Variants in SPIDR observed in about 807,000 individuals in gnomAD.
The protein encoded by SPIDR is scaffold protein involved in DNA repair, also known as DNA repair-scaffolding protein.
SPIDR carries 93 observed loss-of-function variants against 104.6 expected under a neutral mutation model. The observed-to-expected ratio is 0.89, with a 90% CI of 0.75 to 1.06. The LOEUF (loss-of-function observed/expected upper bound fraction) is 1.06, where lower values mean the gene tolerates loss of function less well. Ranked by LOEUF, SPIDR falls within the 50% of genes least tolerant of loss-of-function variation. The probability of loss-of-function intolerance (pLI) is 0.00; values close to 1 mark genes in which losing one functional copy is unlikely to be tolerated. For synonymous variants in SPIDR, 431 were observed against 416.9 expected (o/e 1.03, Z -0.41); for missense variants, 1,154 against 1,111.2 (o/e 1.04, Z -0.55).
chr8:47,530,349 C>T (rs1208879803), intron 8 of SPIDR, among the ~76,000 whole-genome samples: 2 of 152,190 alleles, frequency 1.3e-5, no homozygotes, highest in East Asian at 3.9e-4. Context: ...GAGGCTGAGG[C>T]ACAAGAATCA....
At chr8:47,297,196 C>G (rs2041010591) in intron 5 of SPIDR, among the ~76,000 whole-genome samples, 1 of 152,110 alleles carries the variant, frequency 6.6e-6, no homozygotes, top group African/African-American at 2.4e-5. Context: ...ATATGGATGC[C>G]TTTATTTCTT....
intron 6 of SPIDR, among the ~76,000 whole-genome samples, chr8:47,398,641 T>C (rs1467048722): frequency 3.9e-5 from 6 of 152,178 alleles, no homozygotes; most frequent in Non-Finnish European, 7.4e-5. Context: ...TTATACATCT[T>C]AGTGGGACTA....
At chr8:47,462,978 A>G (rs1171733264) in intron 8 of SPIDR, among the ~76,000 whole-genome samples, 1 of 152,214 alleles carries the variant, frequency 6.6e-6, no homozygotes, top group South Asian at 2.1e-4. Flanking sequence ...ACAATTTTCT[A>G]CAAAAACAGT....
chr8:47,659,562 C>G, intron 10 of SPIDR: 1 of 225,902 alleles, frequency 4.4e-6, no homozygotes, highest in Non-Finnish European at 7.4e-6. Context: ...TCCCGGTCGG[C>G]CCTCCTCCCA....
chr8:47,296,189 T>A (rs1381009698), intron 5 of SPIDR, among the ~76,000 whole-genome samples: 4 of 152,190 alleles, frequency 2.6e-5, no homozygotes, highest in African/African-American at 9.6e-5. Context: ...TTATCAGATA[T>A]GTAGTTTGTA....
intron 2 of SPIDR, among the ~76,000 whole-genome samples, chr8:47,282,876 G>A (rs1353794515): frequency 6.7e-6 from 1 of 149,788 alleles, no homozygotes; most frequent in African/African-American, 2.5e-5. Context: ...TTTTTTTTGA[G>A]AGGGAGTCTG....
intron 17 of SPIDR, among the ~76,000 whole-genome samples, chr8:47,727,632 G>A (rs571059914): frequency 2.6e-5 from 4 of 152,314 alleles, no homozygotes; most frequent in Admixed American, 2.0e-4. Context: ...TGTGAAAGGT[G>A]CAGACGTTTA....
chr8:47,408,563 C>T (rs1554668936), intron 7 of SPIDR, among the ~76,000 whole-genome samples: 1 of 152,184 alleles, frequency 6.6e-6, no homozygotes, highest in African/African-American at 2.4e-5. Flanking sequence ...TTGGCAGCCA[C>T]CATTGCAGTC....
chr8:47,505,005 C>T (rs557375312), intron 8 of SPIDR, among the ~76,000 whole-genome samples: 16 of 152,058 alleles, frequency 1.1e-4, no homozygotes, highest in South Asian at 8.3e-4. Context: ...TTTGTCTCAG[C>T]GGAGTACCCG....
chr8:47,563,822 G>A (rs2057394918), intron 8 of SPIDR, among the ~76,000 whole-genome samples: 2 of 152,232 alleles, frequency 1.3e-5, no homozygotes, highest in African/African-American at 4.8e-5. Context: ...ATCTGTGTGG[G>A]ATTAATACCT....
intron 5 of SPIDR, among the ~76,000 whole-genome samples, chr8:47,296,282 A>G (rs1279333354): frequency 6.6e-6 from 1 of 152,064 alleles, no homozygotes; most frequent in Non-Finnish European, 1.5e-5. Context: ...ATGCAATCTC[A>G]TATGTTTTTG....
chr8:47,426,749 G>A (rs2066480503), intron 7 of SPIDR, among the ~76,000 whole-genome samples: 1 of 152,190 alleles, frequency 6.6e-6, no homozygotes, highest in African/African-American at 2.4e-5. Flanking sequence ...GAGAGGGAGA[G>A]GAAGGTGGTA....
At chr8:47,415,267 A>C (rs192868498) in intron 7 of SPIDR, among the ~76,000 whole-genome samples, 1 of 152,252 alleles carries the variant, frequency 6.6e-6, no homozygotes, top group East Asian at 1.9e-4. Context: ...AGTTAGAAAT[A>C]ATACTGAGAG....
At chr8:47,599,914 TG>T (rs2062054542) in intron 10 of SPIDR, among the ~76,000 whole-genome samples, 7 of 152,264 alleles carry the variant, frequency 4.6e-5, no homozygotes, top group Admixed American at 4.6e-4. Flanking sequence ...TGCACCACCA[TG>T]CCTGGCTAAT....
chr8:47,735,425 C>A lies in SPIDR; in HGVS notation c.2723C>A (p.Ala908Glu), dbSNP rs1050824998. The A allele has an allele frequency of 6.2e-7, 1 of 1,614,166 alleles. No homozygotes were observed. The highest frequency in any genetic ancestry group is 1.3e-5 in the African/African-American group (1 of 75,032). Residue 908 changes from alanine to glutamate, a missense_variant, in exon 20 of 20, where the codon GCA becomes GAA. By Grantham distance (107) the Ala-to-Glu change is moderately radical (BLOSUM62 -1). Transcript: ENST00000297423. The stretch of plus-strand genomic sequence containing the variant: ...TTGGAGGAAATCGAGCTTCTGAGTG[C>A]AGGAGGGGCCTCTGCAGAACACTAG... ...IGLEEIELLS[A>E]GGASAEH
chr8:47,414,603 A>G (rs1190907757), intron 7 of SPIDR, among the ~76,000 whole-genome samples: 1 of 152,062 alleles, frequency 6.6e-6, no homozygotes, highest in African/African-American at 2.4e-5. Flanking sequence ...CCCACAGTTG[A>G]GAGGTCTGTT....
chr8:47,664,227 G>A (rs1387418906), intron 10 of SPIDR, among the ~76,000 whole-genome samples: 1 of 152,088 alleles, frequency 6.6e-6, no homozygotes, highest in Admixed American at 6.5e-5. Flanking sequence ...CCAAGAATAC[G>A]GACCTGACTG....
At chr8:47,352,289 A>AAAAG (rs1554622941) in intron 5 of SPIDR, among the ~76,000 whole-genome samples, 6 of 151,924 alleles carry the variant, frequency 3.9e-5, no homozygotes, top group Admixed American at 1.3e-4. Context: ...AAAAAAAAAA[A>AAAAG]AAAGAAAGAA....
chr8:47,275,407 A>T (rs1278792568), intron 1 of SPIDR, among the ~76,000 whole-genome samples: 6 of 151,978 alleles, frequency 3.9e-5, no homozygotes, highest in South Asian at 2.1e-4. Flanking sequence ...TTTGTACATT[A>T]TTTTTTTTAA....
Sources: gnomAD v4.1 joint callset for allele counts (sites outside exome capture counted in the v4.1 genomes callset) on GRCh38, gnomAD v4.1.1 for gene constraint, MANE v1.5 for transcripts, NCBI Gene and HGNC (gene_info 2026-07-23, HGNC 2026-07-21) for gene names.